LRRC3C: variants seen among roughly 807,000 people sequenced by gnomAD.
The protein encoded by LRRC3C is leucine-rich repeat-containing protein 3C.
LRRC3C carries 11 observed loss-of-function variants against 14.8 expected under a neutral mutation model. The observed-to-expected ratio is 0.74, with a 90% CI of 0.47 to 1.23. LRRC3C has a LOEUF of 1.23. Ranked by LOEUF, LRRC3C falls within the 50% of genes most tolerant of loss-of-function variation. The probability of loss-of-function intolerance (pLI) is 0.00; values close to 1 mark genes in which losing one functional copy is unlikely to be tolerated. For synonymous variants in LRRC3C, 149 were observed against 161.5 expected (o/e 0.92, Z 0.59); for missense variants, 354 against 361.8 (o/e 0.98, Z 0.18).
chr17:39,944,629 G>A lies in LRRC3C; in HGVS notation c.723G>A (p.Val241=), dbSNP rs1979039797. The A allele has an allele frequency of 6.5e-7, 1 of 1,535,870 alleles. No homozygotes were observed. Among genetic ancestry groups the A allele is most frequent in the Non-Finnish European group, 8.7e-7 (1 of 1,146,866 alleles). The part of the protein sequence containing the change: ...GWLTLMVAYL[V]HYVWQNRDET... The stretch of plus-strand genomic sequence containing the variant: ...TGACACTCATGGTGGCTTATCTGGT[G>A]CATTATGTGTGGCAGAACCGAGATG... Residue 241 remains valine (V), a synonymous_variant, in exon 4 of 4, where the codon GTG becomes GTA. Coordinates refer to ENST00000377924, the MANE Select transcript of LRRC3C (RefSeq NM_001195545.2).
intron 1 of LRRC3C, chr17:39,929,598 C>T (rs922896204): frequency 6.6e-6 from 1 of 152,166 alleles, no homozygotes; most frequent in Non-Finnish European, 1.5e-5. Flanking sequence ...GGGGGACATA[C>T]AAACCCTTGG....
chr17:39,929,918 A>G (rs1323104051), intron 1 of LRRC3C, among the ~76,000 whole-genome samples: 4 of 152,186 alleles, frequency 2.6e-5, no homozygotes, highest in African/African-American at 4.8e-5. Flanking sequence ...ACAAAATAGC[A>G]TAACATACAT....
At chr17:39,934,685 A>C (rs1219521002) in intron 1 of LRRC3C, 1 of 152,226 alleles carries the variant, frequency 6.6e-6, no homozygotes, top group Non-Finnish European at 1.5e-5. Flanking sequence ...TCCAGACACC[A>C]AGAGAGGGTT....
At position 39,929,384 on chromosome 17, in the gene LRRC3C, A is replaced by G. The variant is rs553731668; in HGVS notation, c.-175+1570A>G. On this transcript the variant is annotated intron_variant, in intron 1 of 3. Transcript: ENST00000377924. ...CTGTTATCGAGGATTTTTTTTTCAC[A>G]ATAGGAATGAACAGAGTTCTGACTC... The G allele has an allele frequency of 5.9e-5, 9 of 152,144 alleles. No individual in the cohort carries two copies. The East Asian group carries it at 1.5e-3, about 26-fold the overall frequency. The allele number at this position is 152,144 out of a possible 1,614,324, so 9.4% of individuals were successfully genotyped here. A position where few individuals can be genotyped will look rare whatever the true frequency, so the allele number is the denominator to read the frequency against.
At chr17:39,937,157 C>T (rs1051740676) in intron 2 of LRRC3C, among the ~76,000 whole-genome samples, 3 of 150,820 alleles carry the variant, frequency 2.0e-5, no homozygotes, top group African/African-American at 7.3e-5. Context: ...ATAAATAGGC[C>T]GGGCGCAGTG....
intron 3 of LRRC3C, among the ~76,000 whole-genome samples, chr17:39,943,522 A>G (rs1278432593): frequency 6.6e-6 from 1 of 152,178 alleles, no homozygotes; most frequent in Non-Finnish European, 1.5e-5. Flanking sequence ...GCGAGTGCCA[A>G]CCAGACCCTC....
At position 39,944,587 on chromosome 17, in the gene LRRC3C, C is replaced by A. The variant is rs1347715106; in HGVS notation, c.681C>A (p.Val227=). 1.3e-6 allele frequency: 2 copies of A among 1,534,802 alleles called. No homozygotes were observed. Among genetic ancestry groups the A allele is most frequent in the Non-Finnish European group, 1.7e-6 (2 of 1,146,326 alleles). The change falls in exon 4 of 4, where the codon GTC becomes GTA. Residue 227 remains valine, a synonymous_variant. Coordinates refer to ENST00000377924, the MANE Select transcript of LRRC3C (RefSeq NM_001195545.2). ...GGAGCACCGATGTGGCCCTGCTGGTCACCATGGGGGGCTGGCTGACACTCA... is the reference window on the plus strand; with the variant it reads ...GGAGCACCGATGTGGCCCTGCTGGTAACCATGGGGGGCTGGCTGACACTCA... The part of the protein sequence containing the change: ...ARRSTDVALL[V]TMGGWLTLMV...
intron 1 of LRRC3C, chr17:39,934,580 T>C (rs1978745833): frequency 6.6e-6 from 1 of 152,224 alleles, no homozygotes; most frequent in South Asian, 2.1e-4. Context: ...CTAGACTTGC[T>C]CCCTGTCTCA....
At position 39,944,082 on chromosome 17, in the gene LRRC3C, G is replaced by A. The variant is rs1454827580; in HGVS notation, c.176G>A (p.Gly59Asp). The A allele has an allele frequency of 2.6e-6, 4 of 1,536,104 alleles. No individual in the cohort carries two copies. Among genetic ancestry groups the A allele is most frequent in the Non-Finnish European group, 3.5e-6 (4 of 1,146,884 alleles). Residue 59 changes from glycine (G) to aspartate (D), a missense_variant, in exon 4 of 4, where the codon GGT (glycine) becomes GAT (aspartate). Coordinates refer to ENST00000377924, the MANE Select transcript of LRRC3C (RefSeq NM_001195545.2). ...PRGCYVAKEA[G>D]ERTFRCSQAG... ...GGCTGTTATGTGGCAAAGGAAGCAG[G>A]TGAACGGACGTTCCGCTGCAGCCAG...
At chr17:39,935,681 C>A in intron 1 of LRRC3C, 121 bp from the exon 2 acceptor site, 1 of 319,000 alleles carries the variant, frequency 3.1e-6, no homozygotes, top group Non-Finnish European at 4.5e-6. Context: ...ACTCTGAATC[C>A]CCAATGCCTA....
At chr17:39,934,635 T>C (rs73985231) in intron 1 of LRRC3C, 19,425 of 152,260 alleles carry the variant, frequency 0.13, 1,600 homozygotes, top group African/African-American at 0.22. Context: ...AAATGTTAAC[T>C]GAACTATGTA....
chr17:39,934,406 C>A (rs770722002), intron 1 of LRRC3C, among the ~76,000 whole-genome samples: 8 of 152,168 alleles, frequency 5.3e-5, no homozygotes, highest in Admixed American at 1.3e-4. Flanking sequence ...CCTAGCCTCA[C>A]CTGTCTAGAA....
At chr17:39,941,734 C>T (rs1460110726) in intron 3 of LRRC3C, among the ~76,000 whole-genome samples, 185 bp downstream of exon 3, 2 of 152,148 alleles carry the variant, frequency 1.3e-5, no homozygotes, top group Non-Finnish European at 2.9e-5. Context: ...GAGCTGCTAG[C>T]AGGCAATGGA....
At chr17:39,935,474 G>A (rs1352249034) in intron 1 of LRRC3C, among the ~76,000 whole-genome samples, 1 of 152,014 alleles carries the variant, frequency 6.6e-6, no homozygotes, top group Non-Finnish European at 1.5e-5. Context: ...TCTCAGCCAG[G>A]CGCGGTGGCT....
At chr17:39,941,322 GC>G (rs1282035262) in intron 2 of LRRC3C, among the ~76,000 whole-genome samples, 120 bp from the exon 3 acceptor site, 1 of 139,790 alleles carries the variant, frequency 7.2e-6, no homozygotes, top group Non-Finnish European at 1.5e-5. Context: ...CTGCACTCCA[GC>G]CTGGGCCACA....
intron 3 of LRRC3C, among the ~76,000 whole-genome samples, chr17:39,943,033 G>A (rs1978980383): frequency 6.6e-6 from 1 of 152,182 alleles, no homozygotes; most frequent in African/African-American, 2.4e-5. Flanking sequence ...GAATGGAATT[G>A]GGTCCTGGTC....
chr17:39,933,050 C>T (rs1361131028), intron 1 of LRRC3C, among the ~76,000 whole-genome samples: 1 of 137,038 alleles, frequency 7.3e-6, no homozygotes, highest in African/African-American at 2.8e-5. Context: ...GGAACTTTGT[C>T]TCAAAAAATA....
chr17:39,937,754 G>C (rs1978836983), intron 2 of LRRC3C, among the ~76,000 whole-genome samples: 1 of 152,232 alleles, frequency 6.6e-6, no homozygotes, highest in South Asian at 2.1e-4. Flanking sequence ...AGTTAAGGAT[G>C]CTCTCAGCAG....
At chr17:39,937,021 C>G (rs1292482209) in intron 2 of LRRC3C, among the ~76,000 whole-genome samples, 1 of 151,912 alleles carries the variant, frequency 6.6e-6, no homozygotes, top group African/African-American at 2.4e-5. Flanking sequence ...CCTGTAATCC[C>G]AGCTACTCAG....
Sources: gnomAD v4.1 joint callset for allele counts (sites outside exome capture counted in the v4.1 genomes callset) on GRCh38, gnomAD v4.1.1 for gene constraint, MANE v1.5 for transcripts, NCBI Gene and HGNC (gene_info 2026-07-23, HGNC 2026-07-21) for gene names.